Variants in PKIA observed in about 807,000 individuals in gnomAD.
The protein encoded by PKIA is cAMP-dependent protein kinase inhibitor alpha, also known as PKI-alpha.
Under a neutral mutation model 7.6 loss-of-function variants are expected in PKIA, and 4 were observed. The observed-to-expected ratio is 0.52, with a 90% CI of 0.26 to 1.20. PKIA has a LOEUF of 1.20. Among genes scored for constraint, PKIA ranks in the 50% most tolerant of loss-of-function variants. PKIA has a pLI of 0.13. For synonymous variants in PKIA, 21 were observed against 30.7 expected (o/e 0.68, Z 1.04); for missense variants, 73 against 86.2 (o/e 0.85, Z 0.61).
chr8:78,521,048 T>C (rs1809406324), intron 1 of PKIA, among the ~76,000 whole-genome samples: 1 of 152,094 alleles, frequency 6.6e-6, no homozygotes, highest in African/African-American at 2.4e-5. Flanking sequence ...AAAAAAGGCA[T>C]GGAAAGGGAG....
At chr8:78,557,804 G>A (rs1807178869) in intron 1 of PKIA, among the ~76,000 whole-genome samples, 1 of 152,170 alleles carries the variant, frequency 6.6e-6, no homozygotes, top group Non-Finnish European at 1.5e-5. Context: ...CAGAGACATA[G>A]TTTTGATCCA....
chr8:78,549,405 AACTTAGAACTAAATTT>A (rs1806922035), intron 1 of PKIA, among the ~76,000 whole-genome samples: 1 of 151,984 alleles, frequency 6.6e-6, no homozygotes, highest in Non-Finnish European at 1.5e-5. Context: ...ACGTTTTTTT[AACTTAGAACTAAATTT>A]AAGCTTAACT....
At chr8:78,589,276 A>C (rs1808036287) in intron 2 of PKIA, among the ~76,000 whole-genome samples, 2 of 151,236 alleles carry the variant, frequency 1.3e-5, no homozygotes, top group Non-Finnish European at 3.0e-5. Flanking sequence ...AAGAGCATAC[A>C]AAAAAAAGAA....
At position 78,519,016 on chromosome 8, in the gene PKIA, G is replaced by A. The variant is rs186670383; in HGVS notation, c.-157+2548G>A. ...TATCCTTTCCTTAAAATGTTTCCTA[G>A]GGAGAGGAAAAACTAATTGGCTGGT... On this transcript the variant is annotated intron_variant, in intron 1 of 3. Coordinates refer to ENST00000396418, the MANE Select transcript of PKIA (RefSeq NM_006823.4). Among the ~76,000 whole-genome samples, 39 of 152,070 alleles carry A rather than the reference G, an allele frequency of 2.6e-4. 1 individual carries two copies. The East Asian group carries it at 5.8e-3, about 23-fold the overall frequency.
At chr8:78,532,030 A>C (rs1250902982) in intron 1 of PKIA, among the ~76,000 whole-genome samples, 1 of 152,058 alleles carries the variant, frequency 6.6e-6, no homozygotes, top group Non-Finnish European at 1.5e-5. Flanking sequence ...AAATTCAAGT[A>C]ACTTTTTAAC....
intron 2 of PKIA, among the ~76,000 whole-genome samples, chr8:78,593,339 T>A (rs1244810396): frequency 6.6e-6 from 1 of 152,152 alleles, no homozygotes; most frequent in Non-Finnish European, 1.5e-5. Flanking sequence ...GTCAGGGTGG[T>A]TTCGAACTCC....
chr8:78,518,106 C>G (rs1029645793), intron 1 of PKIA, among the ~76,000 whole-genome samples: 1 of 152,168 alleles, frequency 6.6e-6, no homozygotes, highest in African/African-American at 2.4e-5. Flanking sequence ...CTTTCTATTA[C>G]AAATTTCGTT....
At chr8:78,563,701 C>A (rs772394984) in intron 1 of PKIA, among the ~76,000 whole-genome samples, 1 of 151,788 alleles carries the variant, frequency 6.6e-6, no homozygotes, top group East Asian at 1.9e-4. Flanking sequence ...AGAAAGTAAA[C>A]TATTGAGTAA....
intron 3 of PKIA, 105 bp from the exon 4 acceptor site, chr8:78,601,637 C>A (rs1480043118): frequency 6.1e-6 from 5 of 818,950 alleles, no homozygotes; most frequent in Non-Finnish European, 1.0e-5. Flanking sequence ...AGGTTTCAGG[C>A]CTATTTAGTA....
intron 1 of PKIA, among the ~76,000 whole-genome samples, chr8:78,555,438 AAG>A (rs1807106125): frequency 6.6e-6 from 1 of 152,064 alleles, no homozygotes; most frequent in Non-Finnish European, 1.5e-5. Context: ...GCAAAGAGAC[AAG>A]AGTCTGCTAG....
At chr8:78,556,620 A>G (rs1193455793) in intron 1 of PKIA, 1 of 152,122 alleles carries the variant, frequency 6.6e-6, no homozygotes, top group African/African-American at 2.4e-5. Context: ...TCACAAACAC[A>G]GAAAAGTGTG....
At chr8:78,517,357 T>G (rs59622100) in intron 1 of PKIA, among the ~76,000 whole-genome samples, 5 of 152,192 alleles carry the variant, frequency 3.3e-5, no homozygotes, top group Non-Finnish European at 7.3e-5. Context: ...AGAGGACAGA[T>G]AGAATCTACT....
intron 1 of PKIA, among the ~76,000 whole-genome samples, chr8:78,561,461 G>GTCT (rs949645945): frequency 6.9e-6 from 1 of 144,928 alleles, no homozygotes; most frequent in Admixed American, 6.9e-5. Context: ...AAGTTTTTTT[G>GTCT]TTTTTTTTTT....
At chr8:78,565,524 T>A (rs973441310) in intron 1 of PKIA, among the ~76,000 whole-genome samples, 1 of 152,022 alleles carries the variant, frequency 6.6e-6, no homozygotes, top group Non-Finnish European at 1.5e-5. Context: ...ACCTGAAAGA[T>A]CCTTAATATT....
intron 1 of PKIA, among the ~76,000 whole-genome samples, chr8:78,547,698 A>G (rs1806867572): frequency 6.6e-6 from 1 of 152,170 alleles, no homozygotes; most frequent in African/African-American, 2.4e-5. Flanking sequence ...ACTAGACAGT[A>G]TGTTGTTTGC....
At chr8:78,564,087 A>G (rs1299735353) in intron 1 of PKIA, among the ~76,000 whole-genome samples, 1 of 152,064 alleles carries the variant, frequency 6.6e-6, no homozygotes, top group East Asian at 1.9e-4. Context: ...CTATTTTCTT[A>G]ATGAGATATA....
chr8:78,551,118 A>G (rs1348476663), intron 1 of PKIA, among the ~76,000 whole-genome samples: 2 of 148,766 alleles, frequency 1.3e-5, no homozygotes, highest in Non-Finnish European at 3.0e-5. Context: ...CTGAATTTTA[A>G]AGATTTCAGA....
At chr8:78,526,166 C>G (rs970093679) in intron 1 of PKIA, among the ~76,000 whole-genome samples, 1 of 152,042 alleles carries the variant, frequency 6.6e-6, no homozygotes, top group Non-Finnish European at 1.5e-5. Context: ...GTAAGTTAAA[C>G]TTAGCCTTGA....
intron 1 of PKIA, among the ~76,000 whole-genome samples, chr8:78,549,274 G>A (rs1438904401): frequency 6.6e-6 from 1 of 151,898 alleles, no homozygotes; most frequent in Non-Finnish European, 1.5e-5. Flanking sequence ...ATGACATGAT[G>A]TATATAATGT....
Sources: allele counts gnomAD v4.1 joint callset (sites outside exome capture counted in the v4.1 genomes callset), GRCh38; gene constraint gnomAD v4.1.1; transcripts MANE v1.5; gene names NCBI Gene and HGNC (gene_info 2026-07-23, HGNC 2026-07-21).